The following TMEM221 variants were observed in gnomAD, a reference collection of about 807,000 sequenced individuals.
TMEM221 encodes transmembrane protein 221, also known as Putative transmembrane protein ENSP00000342162.
In TMEM221, 11 loss-of-function variants were observed where a neutral mutation model predicts 10.2. The observed-to-expected ratio is 1.08, with a 90% CI of 0.68 to 1.79. TMEM221 has a LOEUF of 1.79. TMEM221 is among the 40% of genes most tolerant of loss of function. The probability of loss-of-function intolerance (pLI) is 0.00; values close to 1 mark genes in which losing one functional copy is unlikely to be tolerated. For missense variants in TMEM221, 382 were observed against 417.7 expected (o/e 0.91, Z 0.75); for synonymous variants, 172 against 199.8 (o/e 0.86, Z 1.18).
chr19:17,441,700 C>A (rs143552333), intron 2 of TMEM221, among the ~76,000 whole-genome samples: 1 of 152,190 alleles, frequency 6.6e-6, no homozygotes, highest in African/African-American at 2.4e-5. Flanking sequence ...GGAGAGGGGC[C>A]CAGAACACAT....
chr19:17,448,185 C>T lies in TMEM221; in HGVS notation c.278G>A (p.Gly93Asp). 2.1e-6 allele frequency: 3 copies of T among 1,436,992 alleles called. No homozygotes were observed. Among genetic ancestry groups the T allele is most frequent in the Non-Finnish European group, 2.7e-6 (3 of 1,098,230 alleles). 89.0% of individuals were successfully genotyped at this position (1,436,992 alleles called of 1,614,324 possible). The stretch of plus-strand genomic sequence containing the variant: ...CCGCGCCAGCTCGGCGCCCAGGTGG[C>T]CACAGAGCGCGGCGAGCAGCAAGCA... ...FTCLLLAALCGHLGAELARGP... is the reference protein window; with the variant it reads ...FTCLLLAALCDHLGAELARGP... The change falls in exon 1 of 3, where the codon GGC becomes GAC. Residue 93 changes from glycine to aspartate, a missense_variant. Coordinates refer to ENST00000341130, the MANE Select transcript of TMEM221 (RefSeq NM_001190844.2). This position sits in a 1 kb window ranked among gnomAD's most constrained non-coding sequence, Gnocchi z 4.7.
rs1302856222 is a variant in TMEM221, at chr19:17,448,448, G to T, written c.15C>A (p.Tyr5Ter). 2 of 1,478,252 alleles carry T rather than the reference G, an allele frequency of 1.4e-6. No individual in the cohort carries two copies. The highest frequency in any genetic ancestry group is 1.5e-5 in the African/African-American group (1 of 68,216). 91.6% of individuals were successfully genotyped at this position (1,478,252 alleles called of 1,614,324 possible). The change falls in exon 1 of 3, where the codon TAC becomes TAA. Residue 5 changes from tyrosine (Y) to a stop codon, truncating the protein, a stop_gained. Transcript: ENST00000341130. LOFTEE classifies it high-confidence loss of function. The surrounding 1 kb of genome is among the most constrained non-coding windows in gnomAD (Gnocchi z 4.7). ...TCATTGCAGCCAGCACCCGGCCGCC[G>T]TAAGAACGGGCCATGGCGGGGGTTC... MARS[Y>*]GGRVLAAMTL...
At chr19:17,441,315 G>A (rs1421375031) in intron 2 of TMEM221, among the ~76,000 whole-genome samples, 2 of 151,592 alleles carry the variant, frequency 1.3e-5, no homozygotes, top group African/African-American at 2.4e-5. Flanking sequence ...GTGGTGCATC[G>A]TAGGACGTTT....
chr19:17,436,380 C>T lies in TMEM221; in HGVS notation c.*78G>A. 3 of 1,319,566 alleles carry T rather than the reference C, an allele frequency of 2.3e-6. No individual in the cohort carries two copies. Among genetic ancestry groups the T allele is most frequent in the Non-Finnish European group, 3.0e-6 (3 of 1,004,984 alleles). 81.7% of individuals were successfully genotyped at this position (1,319,566 alleles called of 1,614,324 possible). On this transcript the variant is annotated 3_prime_UTR_variant, in exon 3 of 3. Coordinates refer to ENST00000341130, the MANE Select transcript of TMEM221 (RefSeq NM_001190844.2). ...AAAATGAGAGAAAAATCAAGTCCTACTGCTACTGCAGCTGAACCCGAACCT... is the reference window on the plus strand; with the variant it reads ...AAAATGAGAGAAAAATCAAGTCCTATTGCTACTGCAGCTGAACCCGAACCT...
chr19:17,436,340 A>C lies in TMEM221; in HGVS notation c.*118T>G. ...GCCACGAGGCAACCTTGAGGACAAA[A>C]GCCAAGGATGCAATAAAATGAGAGA... On this transcript the variant is annotated 3_prime_UTR_variant, in exon 3 of 3. Coordinates refer to ENST00000341130, the MANE Select transcript of TMEM221 (RefSeq NM_001190844.2). The C allele has an allele frequency of 9.7e-7, 1 of 1,030,020 alleles. No individual in the cohort carries two copies. Among genetic ancestry groups the C allele is most frequent in the Non-Finnish European group, 1.3e-6 (1 of 749,448 alleles). The allele number at this position is 1,030,020 out of a possible 1,614,324, so 63.8% of individuals were successfully genotyped here.
In TMEM221 at chr19:17,448,359, T is replaced by C; in HGVS notation, c.104A>G (p.Gln35Arg). The change falls in exon 1 of 3, where the codon CAG becomes CGG. Residue 35 changes from glutamine to arginine, a missense_variant. By Grantham distance (43) the Gln-to-Arg change is conservative (BLOSUM62 1). Coordinates refer to ENST00000341130, the MANE Select transcript of TMEM221 (RefSeq NM_001190844.2). This position sits in a 1 kb window ranked among gnomAD's most constrained non-coding sequence, Gnocchi z 4.7. ...CCCCCGCAGCTCGGCGCGGCCCGCC[T>C]GCAGCTGAAACAGCAGCTGCGCGCC... is the stretch of plus-strand genomic sequence containing the variant. ...ALGAQLLFQL[Q>R]AGRAELRGLR... 2.2e-6 allele frequency: 3 copies of C among 1,384,200 alleles called. No homozygotes were observed. Among genetic ancestry groups the C allele is most frequent in the African/African-American group, 1.5e-5 (1 of 66,138 alleles). The allele number at this position is 1,384,200 out of a possible 1,614,324, so 85.7% of individuals were successfully genotyped here. A position where few individuals can be genotyped will look rare whatever the true frequency, so the allele number is the denominator to read the frequency against.
intron 2 of TMEM221, among the ~76,000 whole-genome samples, chr19:17,440,577 T>C (rs2074928192): frequency 2.0e-5 from 3 of 152,140 alleles, no homozygotes; most frequent in African/African-American, 7.2e-5. Context: ...AACTGCAACT[T>C]AACTGGGTAT....
chr19:17,436,193 A>T lies in TMEM221; in HGVS notation c.*265T>A. On this transcript the variant is annotated 3_prime_UTR_variant, in exon 3 of 3. Transcript: ENST00000341130. Reference sequence around the variant, plus strand: ...ATTTCGCTCTGTTCTGGCCAGTGGGATATAAAAAGAAGGGTTTCGAGGCTT... The same window carrying T: ...ATTTCGCTCTGTTCTGGCCAGTGGGTTATAAAAAGAAGGGTTTCGAGGCTT... 1 of 435,198 alleles carries T rather than the reference A, an allele frequency of 2.3e-6. No individual in the cohort carries two copies. The highest frequency in any genetic ancestry group is 4.1e-6 in the Non-Finnish European group (1 of 243,382). 27.0% of individuals were successfully genotyped at this position (435,198 alleles called of 1,614,324 possible). A position where few individuals can be genotyped will look rare whatever the true frequency, so the allele number is the denominator to read the frequency against.
intron 2 of TMEM221, among the ~76,000 whole-genome samples, chr19:17,442,234 CT>C (rs1188758684): frequency 2.0e-5 from 3 of 151,942 alleles, no homozygotes; most frequent in Non-Finnish European, 4.4e-5. Flanking sequence ...ATTTCTGTTT[CT>C]TTTTTCTTTT....
intron 2 of TMEM221, 113 bp downstream of exon 2, chr19:17,445,086 G>T: frequency 1.1e-6 from 1 of 927,074 alleles, no homozygotes; most frequent in Non-Finnish European, 1.6e-6. Flanking sequence ...AAGTGTCAGA[G>T]CCTGGAGTTG....
chr19:17,443,299 A>G (rs1389832418), intron 2 of TMEM221, among the ~76,000 whole-genome samples: 2 of 141,102 alleles, frequency 1.4e-5, no homozygotes, highest in Non-Finnish European at 3.1e-5. Context: ...TTTTTTTAAT[A>G]TATCTTTTTA....
intron 2 of TMEM221, among the ~76,000 whole-genome samples, chr19:17,438,308 G>A (rs1365122567): frequency 6.6e-6 from 1 of 152,022 alleles, no homozygotes; most frequent in African/African-American, 2.4e-5. Flanking sequence ...GGCTGGTCTT[G>A]AACTCCTGAC....
intron 2 of TMEM221, among the ~76,000 whole-genome samples, chr19:17,440,547 T>C (rs2074928124): frequency 6.6e-6 from 1 of 152,150 alleles, no homozygotes; most frequent in African/African-American, 2.4e-5. Flanking sequence ...GTTTTTGTTA[T>C]GTGTACTTTG....
rs1317033893 is a variant in TMEM221 at position 17,438,592 on chromosome 19, TATC to T, written c.407-1668_407-1666del. On this transcript the variant is annotated intron_variant, in intron 2 of 2. Coordinates refer to ENST00000341130, the MANE Select transcript of TMEM221 (RefSeq NM_001190844.2). Reference sequence around the variant, plus strand: ...GGGGAGGAACAGGACCTACCTGCTCTATCTTTTTTTTTTTTTTTTTTTGAGACT... The same window carrying T: ...GGGGAGGAACAGGACCTACCTGCTCTTTTTTTTTTTTTTTTTTTTGAGACT... Among the ~76,000 whole-genome samples, 3 of 148,454 alleles carry T rather than the reference TATC, an allele frequency of 2.0e-5. No homozygotes were observed. In the East Asian group the frequency reaches 6.0e-4, roughly 30 times the overall value.
rs1012595499 is a variant in TMEM221, at chr19:17,448,486, G to T, written c.-24C>A. On this transcript the variant is annotated 5_prime_UTR_variant, in exon 1 of 3. Coordinates refer to ENST00000341130, the MANE Select transcript of TMEM221 (RefSeq NM_001190844.2). This position sits in a 1 kb window ranked among gnomAD's most constrained non-coding sequence, Gnocchi z 4.7. ...ATGGCGGGGGTTCCTGCGGGCCGGG[G>T]GAAGAGTTGAGGAATTGAAGTGGTT... 6 of 1,455,372 alleles carry T rather than the reference G, an allele frequency of 4.1e-6. No homozygotes were observed. Among genetic ancestry groups the T allele is most frequent in the Non-Finnish European group, 5.4e-6 (6 of 1,108,058 alleles). The allele number at this position is 1,455,372 out of a possible 1,614,324, so 90.2% of individuals were successfully genotyped here.
chr19:17,448,300 CGCCCAGCTCCTG>C lies in TMEM221; in HGVS notation c.151_162del (p.Gln51_Gly54del). On this transcript the variant is annotated inframe_deletion, in exon 1 of 3. Transcript: ENST00000341130. The surrounding 1 kb of genome is among the most constrained non-coding windows in gnomAD (Gnocchi z 4.7). The stretch of plus-strand genomic sequence containing the variant: ...GCGTCCTCTGGCAGCCCGGGGCCGG[CGCCCAGCTCCTG>C]GCCCAGCCCCTCGGCGCGCAGCCCC... 7 of 1,214,622 alleles carry C rather than the reference CGCCCAGCTCCTG, an allele frequency of 5.8e-6. No homozygotes were observed. Among genetic ancestry groups the C allele is most frequent in the South Asian group, 3.7e-5 (1 of 27,308 alleles). 75.2% of individuals were successfully genotyped at this position (1,214,622 alleles called of 1,614,324 possible).
Position 17,436,911 on chromosome 19 carries a change from G to A in TMEM221, c.423C>T (p.Ala141=), listed in dbSNP as rs780134870. 2.6e-5 allele frequency: 37 copies of A among 1,430,160 alleles called. No individual in the cohort carries two copies. The highest frequency in any genetic ancestry group is 2.8e-5 in the Non-Finnish European group (31 of 1,094,444). The allele number at this position is 1,430,160 out of a possible 1,614,324, so 88.6% of individuals were successfully genotyped here. Residue 141 remains alanine (A), a synonymous_variant, in exon 3 of 3, where the codon GCC becomes GCT. Coordinates refer to ENST00000341130, the MANE Select transcript of TMEM221 (RefSeq NM_001190844.2). Reference sequence around the variant, plus strand: ...CTGTCTCGATCTCGAAAAGTAGCAAGGCATAGATGGACAGTGCTAGGGAAG... The same window carrying A: ...CTGTCTCGATCTCGAAAAGTAGCAAAGCATAGATGGACAGTGCTAGGGAAG... ...SVYLAALSIY[A]LLLFEIETGA... is the part of the protein sequence containing the mutation.
At chr19:17,442,920 CAT>C (rs1324870275) in intron 2 of TMEM221, among the ~76,000 whole-genome samples, 1 of 152,118 alleles carries the variant, frequency 6.6e-6, no homozygotes, top group African/African-American at 2.4e-5. Flanking sequence ...GTGCACTTCA[CAT>C]ATATAAATTC....
At chr19:17,439,902 G>A (rs141951404) in intron 2 of TMEM221, among the ~76,000 whole-genome samples, 61 of 151,880 alleles carry the variant, frequency 4.0e-4, no homozygotes, top group African/African-American at 1.4e-3. Flanking sequence ...CTTTAAAGTG[G>A]GTAACGGCTG....
Sources: gnomAD v4.1 joint callset for allele counts (sites outside exome capture counted in the v4.1 genomes callset) on GRCh38, gnomAD v4.1.1 for gene constraint, Gnocchi (gnomAD v3.1) non-coding constraint, MANE v1.5 for transcripts, NCBI Gene and HGNC (gene_info 2026-07-23, HGNC 2026-07-21) for gene names.